WWTR1: variants seen among roughly 807,000 people sequenced by gnomAD.
The protein encoded by WWTR1 is WW domain containing transcription regulator 1, also known as WW domain-containing transcription regulator protein 1.
In WWTR1, 13 loss-of-function variants were observed where a neutral mutation model predicts 40.1. The ratio of observed to expected loss-of-function variants is 0.32; its 90% CI spans 0.21 to 0.52. The LOEUF (loss-of-function observed/expected upper bound fraction) is 0.52, where lower values mean the gene tolerates loss of function less well. WWTR1 is among the 20% of genes least tolerant of loss of function. The pLI is 0.97. For synonymous variants in WWTR1, 230 were observed against 210.1 expected, an observed-to-expected ratio of 1.09 and a Z score of -0.82; for missense variants, 436 against 523.1, an observed-to-expected ratio of 0.83 and a Z score of 1.63.
chr3:149,590,538 C>T (rs765154563), intron 2 of WWTR1, among the ~76,000 whole-genome samples: 81 of 152,042 alleles, frequency 5.3e-4, no homozygotes, highest in Middle Eastern at 3.4e-3. Context: ...CCCAGCTACT[C>T]GAGAGGCTGA....
intron 6 of WWTR1, among the ~76,000 whole-genome samples, chr3:149,524,395 C>T (rs1039709859): frequency 1.1e-4 from 15 of 133,062 alleles, no homozygotes; most frequent in African/African-American, 4.2e-4. Flanking sequence ...CTTAACTTTG[C>T]TTTTTATCCT....
In WWTR1 at chr3:149,645,938, T is replaced by C. The variant is rs549578914; in HGVS notation, c.431+10938A>G. Among the ~76,000 whole-genome samples the C allele has an allele frequency of 9.9e-5, 15 of 152,284 alleles. No individual in the cohort carries two copies. The East Asian group carries it at 2.7e-3, about 27-fold the overall frequency. ...TTGGATTTTTGTACAGTGTTCAGAA[T>C]TGAGATGTGCCACAGCAAAATTTTA... On this transcript the variant is annotated intron_variant, in intron 2 of 6. Coordinates refer to ENST00000360632, the MANE Select transcript of WWTR1 (RefSeq NM_015472.6).
chr3:149,534,820 A>C (rs1206388334), intron 4 of WWTR1, among the ~76,000 whole-genome samples: 1 of 152,212 alleles, frequency 6.6e-6, no homozygotes, highest in Admixed American at 6.5e-5. Context: ...TTATGGGCTA[A>C]AAAATACCCT....
chr3:149,535,404 A>G (rs1410747303), intron 4 of WWTR1, among the ~76,000 whole-genome samples: 1 of 151,996 alleles, frequency 6.6e-6, no homozygotes, highest in Non-Finnish European at 1.5e-5. Context: ...ACTGATGTAT[A>G]TTTCTTTTTA....
intron 2 of WWTR1, among the ~76,000 whole-genome samples, chr3:149,619,280 A>G (rs1740152283): frequency 6.6e-6 from 1 of 152,122 alleles, no homozygotes; most frequent in African/African-American, 2.4e-5. Flanking sequence ...CCAACTCTTC[A>G]CGCTGACAGG....
chr3:149,702,592 A>G lies in WWTR1; in HGVS notation c.-108+532T>C, dbSNP rs551964893. 6 of 152,234 alleles carry G rather than the reference A, an allele frequency of 3.9e-5. No homozygotes were observed. The South Asian group carries it at 1.2e-3, about 32-fold the overall frequency. 9.4% of individuals were successfully genotyped at this position (152,234 alleles called of 1,614,324 possible). ...AGCATGTAGCAAATAGTAAGCACTA[A>G]GAAATAACAACTACTGTGATTCTTT... On this transcript the variant is annotated intron_variant, in intron 1 of 7. Transcript: ENST00000465804.
At position 149,656,998 on chromosome 3, in the gene WWTR1, C is replaced by A. The variant is rs748297200; in HGVS notation, c.309G>T (p.Ala103=). 1.3e-6 allele frequency: 2 copies of A among 1,597,680 alleles called. No homozygotes were observed. Among genetic ancestry groups the A allele is most frequent in the Non-Finnish European group, 1.7e-6 (2 of 1,176,576 alleles). ...GCGCGTGCTGCTGCGCGGGGCTACC[C>A]GCAGCACCCGCGCCGGTGCCCAGCT... is the stretch of plus-strand genomic sequence containing the variant. ...SLQLGTGAGA[A]GSPAQQHAHL... The change falls in exon 2 of 7, where the codon GCG becomes GCT. Residue 103 remains alanine, a synonymous_variant. Coordinates refer to ENST00000360632, the MANE Select transcript of WWTR1 (RefSeq NM_015472.6).
intron 1 of WWTR1, among the ~76,000 whole-genome samples, chr3:149,693,302 T>A (rs1412890606): frequency 6.6e-6 from 1 of 152,108 alleles, no homozygotes; most frequent in African/African-American, 2.4e-5. Flanking sequence ...CCATGACAAC[T>A]ATAAAACATT....
chr3:149,648,506 G>A (rs1384045000), intron 2 of WWTR1, among the ~76,000 whole-genome samples: 1 of 152,186 alleles, frequency 6.6e-6, no homozygotes, highest in Non-Finnish European at 1.5e-5. Flanking sequence ...CCTATGGGAG[G>A]AGGAGCAGCA....
intron 3 of WWTR1, among the ~76,000 whole-genome samples, chr3:149,557,629 T>C (rs1334059018): frequency 6.6e-6 from 1 of 152,174 alleles, no homozygotes; most frequent in Non-Finnish European, 1.5e-5. Flanking sequence ...CCCCATGGTA[T>C]GCATTTTTTC....
At chr3:149,578,884 A>G (rs1192487703) in intron 2 of WWTR1, among the ~76,000 whole-genome samples, 16 of 151,908 alleles carry the variant, frequency 1.1e-4, no homozygotes, top group Non-Finnish European at 1.5e-5. Flanking sequence ...ACTCCATCTC[A>G]AAAAAAATAA....
At chr3:149,559,309 AAAAAG>A (rs1348397876) in intron 3 of WWTR1, among the ~76,000 whole-genome samples, 78 of 148,360 alleles carry the variant, frequency 5.3e-4, no homozygotes, top group South Asian at 1.6e-3. Context: ...AAAAAAAAAA[AAAAAG>A]AAAAGAAAAG....
At chr3:149,599,062 T>C (rs1739128738) in intron 2 of WWTR1, among the ~76,000 whole-genome samples, 2 of 152,252 alleles carry the variant, frequency 1.3e-5, no homozygotes, top group South Asian at 2.1e-4. Flanking sequence ...GTTTGGATTA[T>C]ATCAGTCCAT....
intron 2 of WWTR1, among the ~76,000 whole-genome samples, chr3:149,664,589 CT>C (rs71916474): frequency 1.8e-3 from 245 of 139,760 alleles, no homozygotes; most frequent in Middle Eastern, 7.4e-3. Context: ...AAGGCACTAT[CT>C]TTTTTTTTTT....
chr3:149,556,959 G>C (rs556445005), intron 3 of WWTR1, among the ~76,000 whole-genome samples: 1 of 150,984 alleles, frequency 6.6e-6, no homozygotes, highest in Non-Finnish European at 1.5e-5. Flanking sequence ...TTGGTCTTCT[G>C]TGAACACTGG....
Position 149,555,118 on chromosome 3 carries a change from G to A in WWTR1, c.569-12581C>T, listed in dbSNP as rs563926453. Reference sequence around the variant, plus strand: ...ATCATTTTAAAACTACTCCAGGTGCGAAGTATGGCAGTTGCCCAAGCTAAG... The same window carrying A: ...ATCATTTTAAAACTACTCCAGGTGCAAAGTATGGCAGTTGCCCAAGCTAAG... On this transcript the variant is annotated intron_variant, in intron 3 of 6. Transcript: ENST00000360632. Among the ~76,000 whole-genome samples, 46 of 152,338 alleles carry A rather than the reference G, an allele frequency of 3.0e-4. No homozygotes were observed. The South Asian group carries it at 5.2e-3, about 17-fold the overall frequency.
rs183594287 is a variant in WWTR1 at position 149,526,504 on chromosome 3, C to T, written c.906-379G>A. ...TATAAAAGTCTGTGTGATGGACACA[C>T]GCCAGTTTCTGAATAGTGGCTACCA... On this transcript the variant is annotated intron_variant, in intron 5 of 6. Coordinates refer to ENST00000360632, the MANE Select transcript of WWTR1 (RefSeq NM_015472.6). 3.4e-3 allele frequency among the ~76,000 whole-genome samples: 522 copies of T among 151,844 alleles called. 2 individuals carry two copies. The highest frequency in any genetic ancestry group is 0.011 in the African/African-American group (473 of 41,396).
intron 4 of WWTR1, among the ~76,000 whole-genome samples, chr3:149,530,221 C>T (rs1216752279): frequency 6.6e-6 from 1 of 151,996 alleles, no homozygotes; most frequent in Admixed American, 6.6e-5. Context: ...GTGGCATGCA[C>T]CTGTGGTCCC....
chr3:149,533,565 A>G (rs1220025210), intron 4 of WWTR1, among the ~76,000 whole-genome samples: 2 of 152,228 alleles, frequency 1.3e-5, no homozygotes, highest in Non-Finnish European at 2.9e-5. Context: ...TCTCCAGGCT[A>G]TTAGCCACCG....
Sources: gnomAD v4.1 joint callset for allele counts (sites outside exome capture counted in the v4.1 genomes callset) on GRCh38, gnomAD v4.1.1 for gene constraint, MANE v1.5 for transcripts, NCBI Gene and HGNC (gene_info 2026-07-23, HGNC 2026-07-21) for gene names.